The following CGNL1 variants were observed in gnomAD, a reference collection of about 807,000 sequenced individuals.
The protein encoded by CGNL1 is cingulin like 1.
A neutral mutation model predicts 141.2 loss-of-function variants in CGNL1; 132 were observed. That is an observed-to-expected ratio of 0.93 (90% CI 0.81 to 1.08). CGNL1 has a LOEUF of 1.08. Among genes scored for constraint, CGNL1 ranks in the 50% least tolerant of loss-of-function variants. The probability of loss-of-function intolerance (pLI) is 0.00; values close to 1 mark genes in which losing one functional copy is unlikely to be tolerated. For synonymous variants in CGNL1, 690 were observed against 622.1 expected, an observed-to-expected ratio of 1.11 and a Z score of -1.63; for missense variants, 1,870 against 1,588.6, an observed-to-expected ratio of 1.18 and a Z score of -3.01.
chr15:57,543,590 C>G, intron 14 of CGNL1, 106 bp from the exon 15 acceptor site: 1 of 963,210 alleles, frequency 1.0e-6, no homozygotes, highest in South Asian at 1.4e-5. Flanking sequence ...TAGGGCAACC[C>G]CCTTCATAAA....
intron 8 of CGNL1, among the ~76,000 whole-genome samples, chr15:57,467,352 T>G (rs181393143): frequency 1.6e-4 from 25 of 152,236 alleles, no homozygotes; most frequent in Non-Finnish European, 2.8e-4. Flanking sequence ...GTATTTGAGT[T>G]GGATTTTGAG....
intron 8 of CGNL1, among the ~76,000 whole-genome samples, chr15:57,508,939 A>G (rs1405141312): frequency 6.6e-6 from 1 of 152,240 alleles, no homozygotes; most frequent in Admixed American, 6.5e-5. Context: ...AAATTAACAA[A>G]TGATTGGGAG....
At chr15:57,536,675 A>T (rs138939087) in intron 14 of CGNL1, among the ~76,000 whole-genome samples, 1 of 152,248 alleles carries the variant, frequency 6.6e-6, no homozygotes, top group Non-Finnish European at 1.5e-5. Flanking sequence ...TCCTCCAAAA[A>T]CCATGTTTCC....
intron 10 of CGNL1, among the ~76,000 whole-genome samples, chr15:57,519,658 G>A (rs7166841): frequency 0.017 from 2,645 of 152,234 alleles, 74 homozygotes; most frequent in African/African-American, 0.06. Flanking sequence ...GGTTGATTTT[G>A]TGTGGATGGC....
At chr15:57,482,849 A>C (rs1446959977) in intron 8 of CGNL1, among the ~76,000 whole-genome samples, 1 of 150,734 alleles carries the variant, frequency 6.6e-6, no homozygotes, top group African/African-American at 2.5e-5. Flanking sequence ...CAATGGCATG[A>C]TCTCTGCTCA....
chr15:57,394,091 G>A (rs2062573322), intron 1 of CGNL1: 1 of 101,542 alleles, frequency 9.8e-6, no homozygotes, highest in Admixed American at 1.3e-4. Context: ...ACCAAACCAG[G>A]GTAATTTCTG....
chr15:57,451,998 C>G, intron 5 of CGNL1, 143 bp from the exon 6 acceptor site: 1 of 629,740 alleles, frequency 1.6e-6, no homozygotes, highest in Non-Finnish European at 2.6e-6. Flanking sequence ...TTAAGAACTC[C>G]TGTGCCTTAA....
intron 8 of CGNL1, among the ~76,000 whole-genome samples, chr15:57,463,467 G>A (rs2063471320): frequency 6.6e-6 from 1 of 152,180 alleles, no homozygotes; most frequent in African/African-American, 2.4e-5. Context: ...CTGTAAAAAC[G>A]AAACAGGCGA....
At chr15:57,486,338 T>A (rs1296541512) in intron 8 of CGNL1, among the ~76,000 whole-genome samples, 1 of 151,672 alleles carries the variant, frequency 6.6e-6, no homozygotes, top group Non-Finnish European at 1.5e-5. Context: ...ATGATATCAC[T>A]GCAAAGAGTC....
chr15:57,407,841 TG>T (rs200529450), intron 1 of CGNL1, among the ~76,000 whole-genome samples: 1 of 151,114 alleles, frequency 6.6e-6, no homozygotes, highest in East Asian at 1.9e-4. Context: ...CTCCGTCTCC[TG>T]GGTTCAAGTG....
chr15:57,427,972 C>A (rs1213747226), intron 1 of CGNL1, among the ~76,000 whole-genome samples: 10 of 148,416 alleles, frequency 6.7e-5, no homozygotes, highest in African/African-American at 2.5e-4. Context: ...AAAACCTTGA[C>A]TTTTTTTTTT....
rs369528794 is a variant in CGNL1, at chr15:57,475,229, G to T, written c.2403+13337G>T. Among the ~76,000 whole-genome samples the T allele has an allele frequency of 5.3e-5, 8 of 152,300 alleles. No homozygotes were observed. In the East Asian group the frequency reaches 9.6e-4, roughly 18 times the overall value. ...GAGTCCTGCCTGGTCTCCAAGGCCTGCACTCCACCACCTGGCTCCCACCTG... is the reference window on the plus strand; with the variant it reads ...GAGTCCTGCCTGGTCTCCAAGGCCTTCACTCCACCACCTGGCTCCCACCTG... On this transcript the variant is annotated intron_variant, in intron 8 of 18. Transcript: ENST00000281282.
intron 14 of CGNL1, among the ~76,000 whole-genome samples, chr15:57,538,883 C>T (rs757697963): frequency 4.6e-5 from 7 of 152,116 alleles, no homozygotes; most frequent in African/African-American, 1.2e-4. Flanking sequence ...GAAGACACAA[C>T]GGGGAGGGGA....
chr15:57,401,374 A>G (rs1224231365), intron 1 of CGNL1, among the ~76,000 whole-genome samples: 3 of 152,196 alleles, frequency 2.0e-5, no homozygotes, highest in Non-Finnish European at 4.4e-5. Context: ...TCTTTTTTAA[A>G]TGCAGAATTT....
chr15:57,387,118 G>A (rs74807205), intron 1 of CGNL1, among the ~76,000 whole-genome samples: 3 of 151,986 alleles, frequency 2.0e-5, no homozygotes, highest in Non-Finnish European at 4.4e-5. Flanking sequence ...CCCTCCCTGC[G>A]AGCCCGCTCA....
intron 8 of CGNL1, among the ~76,000 whole-genome samples, chr15:57,511,003 G>A (rs534023683): frequency 8.9e-5 from 13 of 146,500 alleles, no homozygotes; most frequent in Non-Finnish European, 1.8e-4. Context: ...GAACTTGGCC[G>A]AGGACGTGGG....
At chr15:57,437,071 G>T (rs1332248046) in intron 1 of CGNL1, among the ~76,000 whole-genome samples, 1 of 152,110 alleles carries the variant, frequency 6.6e-6, no homozygotes, top group Admixed American at 6.5e-5. Flanking sequence ...GTTTTGCAAA[G>T]TGTTAGAAGT....
At chr15:57,490,486 C>T (rs754244071) in intron 8 of CGNL1, among the ~76,000 whole-genome samples, 25 of 151,972 alleles carry the variant, frequency 1.6e-4, no homozygotes, top group Non-Finnish European at 2.6e-4. Context: ...CAGAAGCTGC[C>T]GGTGGCCAAA....
chr15:57,512,240 C>T (rs1442601905), intron 8 of CGNL1, among the ~76,000 whole-genome samples: 2 of 152,184 alleles, frequency 1.3e-5, no homozygotes, highest in African/African-American at 4.8e-5. Context: ...TGGAGAAGAA[C>T]TTACATGTAG....
Sources: gnomAD v4.1 joint callset for allele counts (sites outside exome capture counted in the v4.1 genomes callset) on GRCh38, gnomAD v4.1.1 for gene constraint, MANE v1.5 for transcripts, NCBI Gene and HGNC (gene_info 2026-07-23, HGNC 2026-07-21) for gene names.